INSL6: variants seen among roughly 807,000 people sequenced by gnomAD.
The protein encoded by INSL6 is insulin like 6.
A neutral mutation model predicts 9.4 loss-of-function variants in INSL6; 16 were observed. That is an observed-to-expected ratio of 1.70 (90% confidence interval 1.15 to 2.59). INSL6 has a LOEUF of 2.59. INSL6 is among the 30% of genes most tolerant of loss of function. The pLI is 0.00. For missense variants in INSL6, 391 were observed against 257.3 expected (o/e 1.52, Z -3.56); for synonymous variants, 154 against 96.9 (o/e 1.59, Z -3.46).
At chr9:5,137,031 A>G (rs953789168) in intron 2 of INSL6, among the ~76,000 whole-genome samples, 4 of 152,076 alleles carry the variant, frequency 2.6e-5, no homozygotes, top group Non-Finnish European at 5.9e-5. Context: ...CTACAAAGAG[A>G]ATAAAATACC....
At chr9:5,156,628 T>C (rs1404230057) in intron 2 of INSL6, among the ~76,000 whole-genome samples, 1 of 152,220 alleles carries the variant, frequency 6.6e-6, no homozygotes, top group African/African-American at 2.4e-5. Flanking sequence ...AAACTTTGCC[T>C]AGTTAATATT....
At chr9:5,139,420 G>A (rs978975560) in intron 2 of INSL6, among the ~76,000 whole-genome samples, 4 of 152,170 alleles carry the variant, frequency 2.6e-5, no homozygotes, top group East Asian at 1.9e-4. Context: ...TTTGCTAGAT[G>A]ACAAAGAAAG....
chr9:5,126,866 T>C, intron 3 of INSL6: 1 of 753,768 alleles, frequency 1.3e-6, no homozygotes, highest in South Asian at 1.8e-5. Flanking sequence ...CTGTGGACTA[T>C]TATTACATAT....
At chr9:5,078,788 A>C in the INSL6 span, among the ~76,000 whole-genome samples, 1 of 152,156 alleles carries the variant, frequency 6.6e-6, no homozygotes, top group East Asian at 1.9e-4. Context: ...TCACTAAATA[A>C]AAATTTAGCC....
At chr9:5,148,152 T>C (rs531034197) in intron 2 of INSL6, among the ~76,000 whole-genome samples, 10 of 152,320 alleles carry the variant, frequency 6.6e-5, no homozygotes, top group African/African-American at 2.2e-4. Flanking sequence ...TTCTTTCTCA[T>C]CTGGGAGAGC....
chr9:5,065,025 G>A, the INSL6 span: 3 of 1,588,268 alleles, frequency 1.9e-6, no homozygotes, highest in Non-Finnish European at 2.6e-6. Flanking sequence ...CAAAGCAACT[G>A]TCATGGCCCA....
At chr9:5,058,509 T>A in the INSL6 span, among the ~76,000 whole-genome samples, 1 of 152,014 alleles carries the variant, frequency 6.6e-6, no homozygotes. Flanking sequence ...CCTCGACACA[T>A]GGGGATTACA....
the INSL6 span, among the ~76,000 whole-genome samples, chr9:5,038,690 T>C: frequency 6.6e-6 from 1 of 151,914 alleles, no homozygotes; most frequent in African/African-American, 2.4e-5. Flanking sequence ...AATGCTCTGA[T>C]GAATATTTCT....
At chr9:5,001,787 G>A in the INSL6 span, among the ~76,000 whole-genome samples, 1 of 151,864 alleles carries the variant, frequency 6.6e-6, no homozygotes, top group Non-Finnish European at 1.5e-5. Flanking sequence ...ACTTTCCCAG[G>A]GAAGTCACTT....
At chr9:5,156,038 A>G (rs1824809490) in intron 2 of INSL6, among the ~76,000 whole-genome samples, 1 of 152,224 alleles carries the variant, frequency 6.6e-6, no homozygotes, top group African/African-American at 2.4e-5. Flanking sequence ...GCATTTATAC[A>G]GATCCTATAG....
chr9:5,054,766 A>G, the INSL6 span: 1 of 1,613,260 alleles, frequency 6.2e-7, no homozygotes, highest in Non-Finnish European at 8.5e-7. This position sits in a 1 kb window ranked among gnomAD's most constrained non-coding sequence, Gnocchi z 4.9. Context: ...TTTGAAGTAA[A>G]AGAACCTGGA....
Position 5,127,706 on chromosome 9 carries a change from C to T in INSL6, c.*11-3195G>A, listed in dbSNP as rs73639266. On this transcript the variant is annotated intron_variant, in intron 3 of 3. Transcript: ENST00000649639. ...TTCTTCGATCTCTGGGATTTATGCTCATGAACTAAATTTAAGCTTAAGCCA... is the reference window on the plus strand; with the variant it reads ...TTCTTCGATCTCTGGGATTTATGCTTATGAACTAAATTTAAGCTTAAGCCA... The T allele has an allele frequency of 1.9e-3, 449 of 232,322 alleles. 4 individuals carry two copies. The highest frequency in any genetic ancestry group is 8.9e-3 in the African/African-American group (405 of 45,338). The allele number at this position is 232,322 out of a possible 1,614,324, so 14.4% of individuals were successfully genotyped here. A position where few individuals can be genotyped will look rare whatever the true frequency, so the allele number is the denominator to read the frequency against.
chr9:5,060,982 T>G, the INSL6 span, among the ~76,000 whole-genome samples: 1 of 152,242 alleles, frequency 6.6e-6, no homozygotes, highest in Admixed American at 6.5e-5. Context: ...TACATCTCTG[T>G]CAGAGCGCTT....
At chr9:5,164,400 G>T in intron 1 of INSL6, 135 bp from the exon 2 acceptor site, 1 of 628,336 alleles carries the variant, frequency 1.6e-6, no homozygotes, top group Non-Finnish European at 2.7e-6. Flanking sequence ...GGAAAGTATG[G>T]TTATTCAAAA....
At chr9:5,024,946 C>G in the INSL6 span, among the ~76,000 whole-genome samples, 2 of 152,172 alleles carry the variant, frequency 1.3e-5, 1 homozygote, top group Admixed American at 1.3e-4. Flanking sequence ...CTTTGCTTAA[C>G]TAGGGGGAGT....
intron 3 of INSL6, chr9:5,126,207 GA>G: frequency 3.3e-6 from 2 of 597,980 alleles, no homozygotes; most frequent in South Asian, 4.6e-5. Context: ...AGTTTGTTTT[GA>G]AAAGGTTTGA....
At chr9:5,173,810 G>C (rs907302643) in intron 1 of INSL6, among the ~76,000 whole-genome samples, 2 of 150,844 alleles carry the variant, frequency 1.3e-5, no homozygotes, top group Non-Finnish European at 2.9e-5. Flanking sequence ...GTTCATCCCA[G>C]AAACACGAGG....
downstream of INSL6, chr9:5,123,001 C>T (rs1297127139): frequency 2.5e-6 from 4 of 1,584,904 alleles, no homozygotes; most frequent in Admixed American, 6.9e-5. Flanking sequence ...CATATATTTA[C>T]AGGTATGCTC....
chr9:5,147,678 C>T lies in INSL6; in HGVS notation c.377-14086G>A, dbSNP rs1208000580. Among the ~76,000 whole-genome samples the T allele has an allele frequency of 3.9e-5, 6 of 152,350 alleles. No homozygotes were observed. The South Asian group carries it at 1.0e-3, about 26-fold the overall frequency. ...TCCAAGTTTCTTATTCTCTTTCTCT[C>T]TCAGGAATGCTGATGAGTTGTAAAT... On this transcript the variant is annotated intron_variant, in intron 2 of 3. Coordinates refer to the INSL6 transcript ENST00000649639.
Sources: gnomAD v4.1 joint callset for allele counts (sites outside exome capture counted in the v4.1 genomes callset) on GRCh38, gnomAD v4.1.1 for gene constraint, Gnocchi (gnomAD v3.1) non-coding constraint, MANE v1.5 for transcripts, NCBI Gene and HGNC (gene_info 2026-07-23, HGNC 2026-07-21) for gene names.